The following HACD2 variants were observed in gnomAD, a reference collection of about 807,000 sequenced individuals.
HACD2 encodes the protein very-long-chain (3R)-3-hydroxyacyl-CoA dehydratase 2.
A neutral mutation model predicts 31.0 loss-of-function variants in HACD2; 15 were observed. That is an observed-to-expected ratio of 0.48 (90% confidence interval 0.32 to 0.75). The LOEUF (loss-of-function observed/expected upper bound fraction) is 0.75, where lower values mean the gene tolerates loss of function less well. Ranked by LOEUF, HACD2 falls within the 30% of genes least tolerant of loss-of-function variation. The pLI, the probability that HACD2 is intolerant of heterozygous loss-of-function variation, is 0.03. For missense variants in HACD2, 283 were observed against 313.0 expected, an observed-to-expected ratio of 0.90 and a Z score of 0.72; for synonymous variants, 115 against 122.2, an observed-to-expected ratio of 0.94 and a Z score of 0.39.
At chr3:123,498,726 T>TA (rs2055865636) in intron 6 of HACD2, among the ~76,000 whole-genome samples, 1 of 152,204 alleles carries the variant, frequency 6.6e-6, no homozygotes, top group Non-Finnish European at 1.5e-5. Context: ...ACTGCTGCTC[T>TA]AAAAGACAGC....
At chr3:123,570,124 G>A (rs1363951877) in intron 2 of HACD2, among the ~76,000 whole-genome samples, 1 of 149,448 alleles carries the variant, frequency 6.7e-6, no homozygotes, top group Admixed American at 6.7e-5. Context: ...AGAGCAGTAG[G>A]TCTCAGTCCT....
At chr3:123,532,177 A>T (rs1290447872) in intron 3 of HACD2, among the ~76,000 whole-genome samples, 1 of 152,230 alleles carries the variant, frequency 6.6e-6, no homozygotes, top group Non-Finnish European at 1.5e-5. Context: ...TTTCTAATTG[A>T]AGTAGATGTC....
rs1487788652 is a variant in HACD2 at position 123,567,780 on chromosome 3, T to A, written c.274A>T (p.Ile92Phe). 6.7e-7 allele frequency: 1 copy of A among 1,501,196 alleles called. No homozygotes were observed. Among genetic ancestry groups the A allele is most frequent in the East Asian group, 2.4e-5 (1 of 41,156 alleles). 93.0% of individuals were successfully genotyped at this position (1,501,196 alleles called of 1,614,324 possible). Residue 92 changes from isoleucine (I) to phenylalanine (F), a missense_variant and splice_region_variant, in exon 3 of 7, where the codon ATT (isoleucine) becomes TTT (phenylalanine). Ile to Phe is a conservative substitution (Grantham distance 21). Coordinates refer to ENST00000383657, the MANE Select transcript of HACD2 (RefSeq NM_198402.5). ...KFFQTGALLE[I>F]LHCAIGIVPS... Reference sequence around the variant, plus strand: ...TACTTACCTATAGCACAATGTAAAATCTAGAGGAAAAAAGGGGAAAAAAGA... The same window carrying A: ...TACTTACCTATAGCACAATGTAAAAACTAGAGGAAAAAAGGGGAAAAAAGA...
intron 3 of HACD2, among the ~76,000 whole-genome samples, chr3:123,539,229 A>G (rs2056459749): frequency 3.3e-5 from 5 of 152,168 alleles, no homozygotes; most frequent in Admixed American, 1.3e-4. Context: ...ATTGGTGTTT[A>G]GAAAACTTGG....
chr3:123,501,675 T>C (rs1402333854), intron 5 of HACD2, among the ~76,000 whole-genome samples: 2 of 152,230 alleles, frequency 1.3e-5, no homozygotes, highest in Non-Finnish European at 2.9e-5. Context: ...CAGACTTCCC[T>C]AACAACCAGG....
At chr3:123,557,120 G>T (rs959391516) in intron 3 of HACD2, among the ~76,000 whole-genome samples, 1 of 152,134 alleles carries the variant, frequency 6.6e-6, no homozygotes, top group Non-Finnish European at 1.5e-5. Context: ...TGCGCAGCAG[G>T]AGAGCAGCAG....
At position 123,499,614 on chromosome 3, in the gene HACD2, G is replaced by C. The variant is rs181546690; in HGVS notation, c.682+901C>G. On this transcript the variant is annotated intron_variant, in intron 6 of 6. Coordinates refer to ENST00000383657, the MANE Select transcript of HACD2 (RefSeq NM_198402.5). ...CATTCCGATGATGCCATGCAATGAG[G>C]AGAAGTCCAACCCTGTCTGATTTAA... is the stretch of plus-strand genomic sequence containing the variant. 6.2e-3 allele frequency: 2,829 copies of C among 456,456 alleles called. 28 individuals are homozygous for C. Among genetic ancestry groups the C allele is most frequent in the South Asian group, 7.4e-3 (475 of 64,534 alleles). The allele number at this position is 456,456 out of a possible 1,614,324, so 28.3% of individuals were successfully genotyped here.
chr3:123,510,528 G>A (rs987273558), intron 4 of HACD2, among the ~76,000 whole-genome samples: 24 of 152,288 alleles, frequency 1.6e-4, no homozygotes, highest in Non-Finnish European at 1.5e-4. Context: ...GATTACAGGC[G>A]TGAGCCACCA....
intron 4 of HACD2, among the ~76,000 whole-genome samples, chr3:123,523,020 T>C (rs769229986): frequency 6.6e-6 from 1 of 152,136 alleles, no homozygotes; most frequent in East Asian, 1.9e-4. Flanking sequence ...CGTTCACGGA[T>C]GGCGCATGCT....
chr3:123,513,214 T>C (rs2056086025), intron 4 of HACD2, among the ~76,000 whole-genome samples: 1 of 152,062 alleles, frequency 6.6e-6, no homozygotes. Context: ...CAAACAGATA[T>C]AAATAAAATA....
At position 123,550,392 on chromosome 3, in the gene HACD2, G is replaced by A. The variant is rs770779927; in HGVS notation, c.292+17370C>T. Among the ~76,000 whole-genome samples, 7 of 152,064 alleles carry A rather than the reference G, an allele frequency of 4.6e-5. No homozygotes were observed. The South Asian group carries it at 6.2e-4, about 14-fold the overall frequency. On this transcript the variant is annotated intron_variant, in intron 3 of 6. Transcript: ENST00000383657. ...TGGAGAAAATGAGCAGCAATGAAGC[G>A]GCTAGAAAAATACAGAGAAAGAAAG...
chr3:123,534,749 A>C (rs1285661857), intron 3 of HACD2, among the ~76,000 whole-genome samples: 2 of 150,960 alleles, frequency 1.3e-5, no homozygotes, highest in African/African-American at 4.9e-5. Flanking sequence ...CACGATGTGG[A>C]GGCAGAAGAC....
At chr3:123,583,714 T>C (rs562259984) in intron 1 of HACD2, among the ~76,000 whole-genome samples, 28 of 152,176 alleles carry the variant, frequency 1.8e-4, no homozygotes, top group Non-Finnish European at 4.0e-4. Context: ...TTGGCATTTG[T>C]CTTATTTTAA....
chr3:123,555,992 T>C (rs2056668753), intron 3 of HACD2, among the ~76,000 whole-genome samples: 1 of 152,100 alleles, frequency 6.6e-6, no homozygotes, highest in South Asian at 2.1e-4. Flanking sequence ...TGGATGACTA[T>C]ATGTAAAAAA....
At chr3:123,581,995 C>A (rs1023450860) in intron 2 of HACD2, among the ~76,000 whole-genome samples, 2 of 151,992 alleles carry the variant, frequency 1.3e-5, no homozygotes, top group Non-Finnish European at 2.9e-5. Flanking sequence ...CCAAAAAAGT[C>A]GAATATAAAA....
At chr3:123,563,129 T>G (rs2107742848) in intron 3 of HACD2, among the ~76,000 whole-genome samples, 1 of 152,356 alleles carries the variant, frequency 6.6e-6, no homozygotes, top group East Asian at 1.9e-4. Context: ...AAATAGCTCT[T>G]GCTCTAAAAA....
chr3:123,543,670 A>G (rs1464885743), intron 3 of HACD2: 1 of 426,064 alleles, frequency 2.3e-6, no homozygotes, highest in East Asian at 7.3e-5. Context: ...AAAGGAAAAA[A>G]AACTGTCAGA....
chr3:123,523,824 A>G (rs1304632590), intron 4 of HACD2, among the ~76,000 whole-genome samples: 28 of 151,982 alleles, frequency 1.8e-4, no homozygotes. Flanking sequence ...CTTCCCAGCA[A>G]CTCCACCCCA....
At chr3:123,552,995 T>C (rs186588579) in intron 3 of HACD2, among the ~76,000 whole-genome samples, 3 of 152,144 alleles carry the variant, frequency 2.0e-5, no homozygotes, top group African/African-American at 7.2e-5. Flanking sequence ...CACATATGTT[T>C]GGAATCCTTA....
Sources: allele counts gnomAD v4.1 joint callset (sites outside exome capture counted in the v4.1 genomes callset), GRCh38; gene constraint gnomAD v4.1.1; transcripts MANE v1.5; gene names NCBI Gene and HGNC (gene_info 2026-07-23, HGNC 2026-07-21).